Variants in EFNA5 observed in about 807,000 individuals in gnomAD.
EFNA5 encodes ephrin A5, also known as ephrin-A5.
EFNA5 carries 5 observed loss-of-function variants against 22.9 expected under a neutral mutation model. The observed-to-expected ratio is 0.22, with a 90% CI of 0.11 to 0.46. The LOEUF is 0.46. EFNA5 is among the 20% of genes least tolerant of loss of function. The pLI, the probability that EFNA5 is intolerant of heterozygous loss-of-function variation, is 0.99. For synonymous variants in EFNA5, 113 were observed against 112.2 expected, an observed-to-expected ratio of 1.01 and a Z score of -0.04; for missense variants, 237 against 293.3, an observed-to-expected ratio of 0.81 and a Z score of 1.40.
chr5:107,566,134 C>A (rs1012160054), intron 1 of EFNA5, among the ~76,000 whole-genome samples: 1 of 152,146 alleles, frequency 6.6e-6, no homozygotes, highest in East Asian at 1.9e-4. Context: ...GTGGTCCCCT[C>A]GCTCCTACCC....
At chr5:107,573,341 G>A (rs375574473) in intron 1 of EFNA5, among the ~76,000 whole-genome samples, 15 of 152,170 alleles carry the variant, frequency 9.9e-5, no homozygotes, top group South Asian at 8.3e-4. Flanking sequence ...TATGAAACCA[G>A]GGGGTAAGAA....
At chr5:107,464,297 C>T (rs560992810) in intron 1 of EFNA5, among the ~76,000 whole-genome samples, 1 of 152,248 alleles carries the variant, frequency 6.6e-6, no homozygotes, top group East Asian at 1.9e-4. Flanking sequence ...CCAATCTTCA[C>T]TACCCTTGTC....
At chr5:107,450,931 C>T (rs1749544075) in intron 1 of EFNA5, among the ~76,000 whole-genome samples, 1 of 152,174 alleles carries the variant, frequency 6.6e-6, no homozygotes, top group South Asian at 2.1e-4. Flanking sequence ...TAGACAACTG[C>T]AAGAAACTGA....
At chr5:107,657,595 T>C (rs1750856235) in intron 1 of EFNA5, among the ~76,000 whole-genome samples, 1 of 152,162 alleles carries the variant, frequency 6.6e-6, no homozygotes, top group African/African-American at 2.4e-5. Context: ...TTTGCTTCTG[T>C]TTTAAAATTA....
intron 1 of EFNA5, among the ~76,000 whole-genome samples, chr5:107,577,479 G>C (rs1476725233): frequency 6.6e-6 from 1 of 152,084 alleles, no homozygotes; most frequent in East Asian, 1.9e-4. Context: ...GATGCAAAAG[G>C]CAGGCCGAAA....
At chr5:107,642,434 A>C (rs577180493) in intron 1 of EFNA5, among the ~76,000 whole-genome samples, 1 of 151,566 alleles carries the variant, frequency 6.6e-6, no homozygotes, top group South Asian at 2.1e-4. Flanking sequence ...CATTTTGTAG[A>C]CCATAGATAT....
chr5:107,635,255 T>G (rs1378562205), intron 1 of EFNA5, among the ~76,000 whole-genome samples: 1 of 152,268 alleles, frequency 6.6e-6, no homozygotes, highest in African/African-American at 2.4e-5. Context: ...TTTACTTTAA[T>G]GTATAACTGC....
At chr5:107,562,694 T>G (rs746742308) in intron 1 of EFNA5, among the ~76,000 whole-genome samples, 3 of 152,200 alleles carry the variant, frequency 2.0e-5, no homozygotes, top group Non-Finnish European at 2.9e-5. Context: ...CAAACTGTGT[T>G]GAGTACCTAC....
intron 1 of EFNA5, among the ~76,000 whole-genome samples, chr5:107,639,513 T>C (rs1750457284): frequency 1.3e-5 from 2 of 152,358 alleles, no homozygotes; most frequent in South Asian, 2.1e-4. Flanking sequence ...GCAAATTACA[T>C]GACTTTACAT....
chr5:107,640,976 G>GTAGATAGATAGA (rs55898305), intron 1 of EFNA5, among the ~76,000 whole-genome samples: 1,598 of 145,528 alleles, frequency 0.011, 27 homozygotes, highest in South Asian at 0.039. Context: ...AGGTAGGCAG[G>GTAGATAGATAGA]TAGATAGATA....
intron 1 of EFNA5, among the ~76,000 whole-genome samples, chr5:107,435,012 T>G (rs1478579409): frequency 6.6e-6 from 1 of 152,210 alleles, no homozygotes; most frequent in Non-Finnish European, 1.5e-5. Context: ...CTCCAAAATT[T>G]TAAACTAATT....
At chr5:107,563,722 T>G (rs1748596473) in intron 1 of EFNA5, among the ~76,000 whole-genome samples, 1 of 152,204 alleles carries the variant, frequency 6.6e-6, no homozygotes, top group Non-Finnish European at 1.5e-5. Context: ...ATAACAGGCA[T>G]GAGCCACTGC....
chr5:107,670,532 C>A lies in EFNA5; in HGVS notation c.82G>T (p.Val28Phe). The A allele has an allele frequency of 6.3e-7, 1 of 1,586,802 alleles. No individual in the cohort carries two copies. ...CAGTAGACAGCGTAGCGGTCGGCGA[C>A]GGCCTTGGAGCCCGGGTCCTGGCTG... ...VFSQDPGSKA[V>F]ADRYAVYWNS... is the part of the protein sequence containing the mutation. Residue 28 changes from valine to phenylalanine, a missense_variant, in exon 1 of 5, where the codon GTC becomes TTC. Around this residue, in one of 3 missense-constraint regions of EFNA5, gnomAD observed 120 missense variants for 140.5 expected, o/e 0.85. Transcript: ENST00000333274.
intron 1 of EFNA5, among the ~76,000 whole-genome samples, chr5:107,582,816 C>T (rs1301809669): frequency 1.3e-5 from 2 of 151,676 alleles, no homozygotes; most frequent in Non-Finnish European, 2.9e-5. Context: ...TCCTCTTCTA[C>T]TCTCACCAGA....
At chr5:107,577,491 G>A (rs541456949) in intron 1 of EFNA5, among the ~76,000 whole-genome samples, 4 of 152,202 alleles carry the variant, frequency 2.6e-5, no homozygotes, top group East Asian at 1.9e-4. Context: ...AGGCCGAAAC[G>A]GGAAATTTAA....
At chr5:107,403,952 C>T (rs1050239800) in intron 2 of EFNA5, among the ~76,000 whole-genome samples, 1 of 152,140 alleles carries the variant, frequency 6.6e-6, no homozygotes, top group African/African-American at 2.4e-5. Context: ...ACCCTGTAAA[C>T]CCTTTATGTA....
intron 1 of EFNA5, among the ~76,000 whole-genome samples, chr5:107,523,974 C>T (rs1322017851): frequency 6.6e-6 from 1 of 152,166 alleles, no homozygotes; most frequent in Non-Finnish European, 1.5e-5. Flanking sequence ...AGGTTGGGTT[C>T]TGAATGAATA....
At chr5:107,507,127 C>A (rs60262497) in intron 1 of EFNA5, among the ~76,000 whole-genome samples, 2 of 152,022 alleles carry the variant, frequency 1.3e-5, no homozygotes, top group Non-Finnish European at 2.9e-5. Context: ...TAAAAAAAAA[C>A]TTTTGTTCAA....
intron 1 of EFNA5, among the ~76,000 whole-genome samples, chr5:107,614,620 G>A (rs911050948): frequency 1.3e-5 from 2 of 152,078 alleles, no homozygotes; most frequent in South Asian, 4.1e-4. Flanking sequence ...CTCTGGAGAG[G>A]AGTCTTTTCT....
Sources: gnomAD v4.1 joint callset for allele counts (sites outside exome capture counted in the v4.1 genomes callset) on GRCh38, gnomAD v4.1.1 for gene constraint, gnomAD v4.1.1 regional missense constraint, MANE v1.5 for transcripts, NCBI Gene and HGNC (gene_info 2026-07-23, HGNC 2026-07-21) for gene names.